DPP10: variants seen among roughly 807,000 people sequenced by gnomAD.
DPP10 encodes the protein inactive dipeptidyl peptidase 10.
DPP10 carries 33 observed loss-of-function variants against 120.9 expected under a neutral mutation model. The observed-to-expected ratio is 0.27, with a 90% CI of 0.21 to 0.37. DPP10 has a LOEUF of 0.37. Among genes scored for constraint, DPP10 ranks in the 10% least tolerant of loss-of-function variants. The pLI, the probability that DPP10 is intolerant of heterozygous loss-of-function variation, is 1.00. For missense variants in DPP10, 816 were observed against 942.8 expected (o/e 0.87, Z 1.76); for synonymous variants, 337 against 326.1 (o/e 1.03, Z -0.36).
intron 19 of DPP10, among the ~76,000 whole-genome samples, chr2:115,802,814 G>A (rs1432927324): frequency 1.3e-5 from 2 of 152,118 alleles, no homozygotes; most frequent in Non-Finnish European, 2.9e-5. Context: ...TATAATTTCT[G>A]TTCTGTTACA....
chr2:115,659,707 C>A (rs1238721601), intron 5 of DPP10, among the ~76,000 whole-genome samples: 2 of 152,052 alleles, frequency 1.3e-5, no homozygotes, highest in African/African-American at 4.8e-5. Flanking sequence ...GTCTAATATA[C>A]AGAGAAATTT....
At chr2:115,693,052 G>T (rs942008135) in intron 7 of DPP10, among the ~76,000 whole-genome samples, 3 of 151,978 alleles carry the variant, frequency 2.0e-5, no homozygotes, top group African/African-American at 7.2e-5. Context: ...TCATTATGAT[G>T]AAAAAAGGTT....
chr2:115,614,397 G>A lies in DPP10; in HGVS notation c.442-75290G>A, dbSNP rs1458679136. Among the ~76,000 whole-genome samples, 4 of 152,086 alleles carry A rather than the reference G, an allele frequency of 2.6e-5. No individual in the cohort carries two copies. In the East Asian group the frequency reaches 7.7e-4, roughly 29 times the overall value. On this transcript the variant is annotated intron_variant, in intron 5 of 25. Transcript: ENST00000410059. ...CTCTGTTGGTCAACATTTTCTCTGA[G>A]CACCACAGTTTTATAGGGGAAGGAA...
At chr2:114,868,865 C>T (rs1370896897) in intron 1 of DPP10, among the ~76,000 whole-genome samples, 1 of 152,148 alleles carries the variant, frequency 6.6e-6, no homozygotes, top group African/African-American at 2.4e-5. Context: ...CCAGAGCTGG[C>T]TCTGCCACGT....
chr2:115,452,336 C>G (rs115015630), intron 3 of DPP10, among the ~76,000 whole-genome samples: 116 of 152,012 alleles, frequency 7.6e-4, no homozygotes, highest in Middle Eastern at 6.8e-3. Flanking sequence ...GCCCCCATAT[C>G]TAGGCCTTCA....
chr2:115,400,050 G>A (rs557322475), intron 3 of DPP10, among the ~76,000 whole-genome samples: 20 of 152,160 alleles, frequency 1.3e-4, no homozygotes, highest in African/African-American at 4.6e-4. Flanking sequence ...GAGACGGGGA[G>A]GGGTGCTACA....
At chr2:114,596,630 T>G (rs966418304) in intron 1 of DPP10, among the ~76,000 whole-genome samples, 3 of 152,140 alleles carry the variant, frequency 2.0e-5, no homozygotes, top group African/African-American at 7.2e-5. Context: ...GAGTACTGTA[T>G]GTCAGGAACT....
intron 21 of DPP10, among the ~76,000 whole-genome samples, chr2:115,822,930 A>G (rs1366228712): frequency 6.6e-6 from 1 of 152,112 alleles, no homozygotes; most frequent in African/African-American, 2.4e-5. Flanking sequence ...GCTTAAATTT[A>G]AAAAAATTGT....
chr2:114,834,501 G>A (rs913210267), intron 1 of DPP10, among the ~76,000 whole-genome samples: 84 of 113,428 alleles, frequency 7.4e-4, no homozygotes, highest in Middle Eastern at 0.015. Context: ...CCATATCTAC[G>A]CACCTATGTA....
At chr2:115,366,170 G>T (rs2065065464) in intron 3 of DPP10, among the ~76,000 whole-genome samples, 1 of 151,628 alleles carries the variant, frequency 6.6e-6, no homozygotes, top group Admixed American at 6.6e-5. Flanking sequence ...CTTCCCAAAG[G>T]ATGCCTATAA....
chr2:115,187,315 C>A (rs369896843), intron 1 of DPP10, among the ~76,000 whole-genome samples: 1 of 151,980 alleles, frequency 6.6e-6, no homozygotes, highest in Non-Finnish European at 1.5e-5. Context: ...GGATTACAGG[C>A]GTGAGCCACC....
At chr2:114,783,368 T>C (rs1169914860) in intron 1 of DPP10, among the ~76,000 whole-genome samples, 1 of 152,154 alleles carries the variant, frequency 6.6e-6, no homozygotes, top group African/African-American at 2.4e-5. Flanking sequence ...CTATTTTCTG[T>C]ACTTTCCATC....
chr2:115,840,938 T>C (rs1231892914), intron 25 of DPP10, 115 bp downstream of exon 25: 3 of 806,218 alleles, frequency 3.7e-6, no homozygotes, highest in Middle Eastern at 3.6e-4. Flanking sequence ...TAATATGTTT[T>C]TTAGTTACCA....
At chr2:114,936,171 CA>C (rs1696451871) in intron 1 of DPP10, among the ~76,000 whole-genome samples, 1 of 151,946 alleles carries the variant, frequency 6.6e-6, no homozygotes, top group African/African-American at 2.4e-5. Context: ...CCCCGAAGTC[CA>C]TTGTCTCATT....
At chr2:115,784,472 A>G (rs917791354) in intron 17 of DPP10, among the ~76,000 whole-genome samples, 2 of 152,246 alleles carry the variant, frequency 1.3e-5, no homozygotes, top group African/African-American at 4.8e-5. Flanking sequence ...TTACATTACT[A>G]ATAAAGATAG....
At chr2:114,445,984 G>A (rs1041729034) in intron 1 of DPP10, among the ~76,000 whole-genome samples, 1 of 152,134 alleles carries the variant, frequency 6.6e-6, no homozygotes, top group Non-Finnish European at 1.5e-5. Context: ...TTCCTGATGT[G>A]ATTACAAATC....
chr2:115,107,538 T>C (rs1447335479), intron 1 of DPP10, among the ~76,000 whole-genome samples: 1 of 149,802 alleles, frequency 6.7e-6, no homozygotes, highest in African/African-American at 2.4e-5. Context: ...TTTCGACAGC[T>C]GTTTTTTAAA....
rs1304749863 is a variant in DPP10 at position 115,564,100 on chromosome 2, A to C, written c.441+38128A>C. On this transcript the variant is annotated intron_variant, in intron 5 of 25. Transcript: ENST00000410059. ...TCTTTTAATTACTTTTACAGAGTGG[A>C]AATTGTATTTGTTAAAATATGCCAG... Among the ~76,000 whole-genome samples, 7 of 152,212 alleles carry C rather than the reference A, an allele frequency of 4.6e-5. No homozygotes were observed. The East Asian group carries it at 7.7e-4, about 17-fold the overall frequency.
At chr2:114,883,224 T>C (rs1691790289) in intron 1 of DPP10, among the ~76,000 whole-genome samples, 1 of 152,206 alleles carries the variant, frequency 6.6e-6, no homozygotes, top group South Asian at 2.1e-4. Context: ...CTGGTTTTGC[T>C]TCCCAAATGG....
Sources: allele counts gnomAD v4.1 joint callset (sites outside exome capture counted in the v4.1 genomes callset), GRCh38; gene constraint gnomAD v4.1.1; transcripts MANE v1.5; gene names NCBI Gene and HGNC (gene_info 2026-07-23, HGNC 2026-07-21).